The following F2 variants were observed in gnomAD, a reference collection of about 807,000 sequenced individuals.
F2 encodes the protein coagulation factor II, thrombin.
F2 carries 34 observed loss-of-function variants against 81.9 expected under a neutral mutation model. The observed-to-expected ratio is 0.42, with a 90% CI of 0.32 to 0.55. The LOEUF (loss-of-function observed/expected upper bound fraction) is 0.55, where lower values mean the gene tolerates loss of function less well. Ranked by LOEUF, F2 falls within the 20% of genes least tolerant of loss-of-function variation. The pLI is 0.18. For missense variants in F2, 630 were observed against 833.4 expected (o/e 0.76, Z 3.00); for synonymous variants, 296 against 326.4 (o/e 0.91, Z 1.01).
At chr11:46,730,396 A>C (rs1225985256) in intron 12 of F2, among the ~76,000 whole-genome samples, 1 of 151,988 alleles carries the variant, frequency 6.6e-6, no homozygotes, top group African/African-American at 2.4e-5. Flanking sequence ...GAGGGGAAGG[A>C]AGGAGTGAGC....
At chr11:46,736,615 A>G (rs1337638769) in intron 12 of F2, among the ~76,000 whole-genome samples, 1 of 152,128 alleles carries the variant, frequency 6.6e-6, no homozygotes, top group African/African-American at 2.4e-5. Flanking sequence ...CTAGATTTCT[A>G]TGGATAGAGT....
At chr11:46,734,663 T>C (rs2064933359) in intron 12 of F2, among the ~76,000 whole-genome samples, 1 of 152,018 alleles carries the variant, frequency 6.6e-6, no homozygotes, top group Non-Finnish European at 1.5e-5. Context: ...ATACAAAAAT[T>C]AGCTGGGCGT....
At position 46,726,872 on chromosome 11, in the gene F2, T is replaced by C. The variant is rs753819089; in HGVS notation, c.1130+35T>C. The C allele has an allele frequency of 3.1e-6, 5 of 1,611,378 alleles. No homozygotes were observed. Among genetic ancestry groups the C allele is most frequent in the Non-Finnish European group, 4.2e-6 (5 of 1,177,886 alleles). ...GGAGCCCTGCGCTACCATTCACTCC[T>C]GGGGGCAGGTGTGCTGCTGGACCCC... On this transcript the variant is annotated intron_variant, in intron 9 of 13. Coordinates refer to ENST00000311907, the MANE Select transcript of F2 (RefSeq NM_000506.5). This position sits in a 1 kb window ranked among gnomAD's most constrained non-coding sequence, Gnocchi z 5.9.
chr11:46,739,465 G>A lies in F2; in HGVS notation c.*57G>A, dbSNP rs2064965098. On this transcript the variant is annotated 3_prime_UTR_variant, in exon 14 of 14. Coordinates refer to ENST00000311907, the MANE Select transcript of F2 (RefSeq NM_000506.5). ...AATCCCGTGAAAGAATTATTTTTGTGTTTCTAAAACTATGGTTCCCAATAA... is the reference window on the plus strand; with the variant it reads ...AATCCCGTGAAAGAATTATTTTTGTATTTCTAAAACTATGGTTCCCAATAA... 6 of 1,609,014 alleles carry A rather than the reference G, an allele frequency of 3.7e-6. No homozygotes were observed. Among genetic ancestry groups the A allele is most frequent in the Non-Finnish European group, 4.2e-6 (5 of 1,177,740 alleles).
chr11:46,733,950 G>T (rs1398013232), intron 12 of F2, among the ~76,000 whole-genome samples: 1 of 151,340 alleles, frequency 6.6e-6, no homozygotes. Flanking sequence ...CACCATGCCC[G>T]CTAATTTTTG....
chr11:46,720,435 A>C, intron 2 of F2, 88 bp from the exon 3 acceptor site: 2 of 1,489,628 alleles, frequency 1.3e-6, no homozygotes, highest in Non-Finnish European at 1.9e-6. Context: ...ACCAGGGTAA[A>C]GGAAAGTGTG....
In F2 at chr11:46,723,460, C is replaced by G. The variant is rs369468882; in HGVS notation, c.501C>G (p.Pro167=). The change falls in exon 6 of 14, where the codon CCC becomes CCG. Residue 167 remains proline, a synonymous_variant. Coordinates refer to ENST00000311907, the MANE Select transcript of F2 (RefSeq NM_000506.5). The surrounding 1 kb of genome is among the most constrained non-coding windows in gnomAD (Gnocchi z 5.6). ...CRNPDSSTTG[P]WCYTTDPTVR... is the part of the protein sequence containing the mutation. ...ACCCCGACAGCAGCACCACGGGACC[C>G]TGGTGCTACACTACAGACCCCACCG... is the stretch of plus-strand genomic sequence containing the variant. 6.2e-7 allele frequency: 1 copy of G among 1,614,010 alleles called. No individual in the cohort carries two copies. Among genetic ancestry groups the G allele is most frequent in the African/African-American group, 1.3e-5 (1 of 74,936 alleles).
Position 46,728,973 on chromosome 11 carries a change from C to A in F2, c.1472+136C>A. ...TTGGAGTGAACCCAAAAGTTCTTTTCAGTACTGGCGTTTTATTTTTTATTT... is the reference window on the plus strand; with the variant it reads ...TTGGAGTGAACCCAAAAGTTCTTTTAAGTACTGGCGTTTTATTTTTTATTT... On this transcript the variant is annotated intron_variant, in intron 11 of 13. Transcript: ENST00000311907. The surrounding 1 kb of genome is among the most constrained non-coding windows in gnomAD (Gnocchi z 5.1). 1 of 779,112 alleles carries A rather than the reference C, an allele frequency of 1.3e-6. No individual in the cohort carries two copies. Among genetic ancestry groups the A allele is most frequent in the Non-Finnish European group, 2.1e-6 (1 of 480,500 alleles). The allele number at this position is 779,112 out of a possible 1,614,324, so 48.3% of individuals were successfully genotyped here.
At chr11:46,737,023 A>G (rs1355703179) in intron 12 of F2, among the ~76,000 whole-genome samples, 3 of 151,982 alleles carry the variant, frequency 2.0e-5, no homozygotes, top group African/African-American at 7.2e-5. Context: ...AATTTTTTCT[A>G]TTGGTATCTT....
At position 46,719,241 on chromosome 11, in the gene F2, G is replaced by A. The variant is rs748368751; in HGVS notation, c.6G>A (p.Ala2=). ...GACCCAGGAGCTGACACACTATGGC[G>A]CACGTCCGAGGCTTGCAGCTGCCTG... is the stretch of plus-strand genomic sequence containing the variant. The part of the protein sequence containing the change: M[A]HVRGLQLPGC... Residue 2 remains alanine (A), a synonymous_variant, in exon 1 of 14, where the codon GCG becomes GCA. Coordinates refer to ENST00000311907, the MANE Select transcript of F2 (RefSeq NM_000506.5). The surrounding 1 kb of genome is among the most constrained non-coding windows in gnomAD (Gnocchi z 4.7). 3.7e-6 allele frequency: 6 copies of A among 1,613,680 alleles called. No homozygotes were observed. In the African/African-American group the frequency reaches 5.3e-5, roughly 14 times the overall value.
rs1555158012 is a variant in F2, at chr11:46,731,573, G to GGA, written c.1654+2012_1654+2013insGA. Among the ~76,000 whole-genome samples the GGA allele has an allele frequency of 4.0e-3, 528 of 131,654 alleles. 3 individuals carry two copies. Among genetic ancestry groups the GGA allele is most frequent in the African/African-American group, 0.013 (500 of 37,788 alleles). 86.4% of individuals were successfully genotyped at this position (131,654 alleles called of 152,430 possible). Reference sequence around the variant, plus strand: ...TAGTCTTGCTAATGTCTTTTATAGGGAAAAAAAAAAAAAAAAGCGTGTTTC... The same window carrying GGA: ...TAGTCTTGCTAATGTCTTTTATAGGGGAAAAAAAAAAAAAAAAAGCGTGTTTC... On this transcript the variant is annotated intron_variant, in intron 12 of 13. Transcript: ENST00000311907.
chr11:46,738,933 G>C, intron 12 of F2, 115 bp from the exon 13 acceptor site: 1 of 1,028,496 alleles, frequency 9.7e-7, no homozygotes, highest in South Asian at 1.3e-5. Context: ...TGAGGAAGTG[G>C]GGACAGCAAG....
Position 46,726,623 on chromosome 11 carries a change from G to A in F2, c.1000G>A (p.Ala334Thr). The A allele has an allele frequency of 1.9e-6, 3 of 1,613,702 alleles. No individual in the cohort carries two copies. Among genetic ancestry groups the A allele is most frequent in the Non-Finnish European group, 2.5e-6 (3 of 1,179,548 alleles). The change falls in exon 8 of 14, where the codon GCA (alanine) becomes ACA (threonine). Residue 334 changes from alanine (A) to threonine (T), a missense_variant. Ala to Thr is a moderately conservative substitution (Grantham distance 58, BLOSUM62 0). Transcript: ENST00000311907. This position sits in a 1 kb window ranked among gnomAD's most constrained non-coding sequence, Gnocchi z 5.9. Reference protein sequence around the residue: ...FNPRTFGSGEADCGLRPLFEK... With the variant: ...FNPRTFGSGETDCGLRPLFEK... The stretch of plus-strand genomic sequence containing the variant: ...TCCGAGGACCTTTGGCTCGGGAGAG[G>A]CAGGTGAGGTAGTGGGCATCCGAGG...
intron 12 of F2, 37 bp from the exon 13 acceptor site, chr11:46,739,011 C>T (rs1200562985): frequency 1.2e-6 from 2 of 1,610,058 alleles, no homozygotes; most frequent in Non-Finnish European, 1.7e-6. Context: ...GGGCTATGAG[C>T]TATGCTCCTG....
rs1170642484 is a variant in F2, at chr11:46,719,893, G to A, written c.240+31G>A. The A allele has an allele frequency of 1.9e-6, 3 of 1,548,734 alleles. No homozygotes were observed. The highest frequency in any genetic ancestry group is 2.4e-5 in the East Asian group (1 of 41,278). On this transcript the variant is annotated intron_variant, in intron 2 of 13. Coordinates refer to ENST00000311907, the MANE Select transcript of F2 (RefSeq NM_000506.5). This position sits in a 1 kb window ranked among gnomAD's most constrained non-coding sequence, Gnocchi z 4.7. ...CCTGGGCTGCTCGGACGGTGCCGGGGCCTCAGACCGGGCCCAACTCTAGAC... is the reference window on the plus strand; with the variant it reads ...CCTGGGCTGCTCGGACGGTGCCGGGACCTCAGACCGGGCCCAACTCTAGAC...
At chr11:46,722,977 A>G (rs1046213813) in intron 4 of F2, 16 of 671,896 alleles carry the variant, frequency 2.4e-5, no homozygotes, top group African/African-American at 2.1e-4. Flanking sequence ...AGTGCCTGTC[A>G]TATGGTAGGC....
chr11:46,729,647 T>G, intron 12 of F2, 86 bp downstream of exon 12: 1 of 1,495,146 alleles, frequency 6.7e-7, no homozygotes, highest in Non-Finnish European at 9.1e-7. Context: ...CATGTGACTT[T>G]GAGCAAGTTG....
At chr11:46,722,777 A>G (rs965893741) in intron 4 of F2, among the ~76,000 whole-genome samples, 3 of 152,240 alleles carry the variant, frequency 2.0e-5, no homozygotes, top group Non-Finnish European at 2.9e-5. Context: ...CATTCCAGTC[A>G]GAAGAAACAA....
In F2 at chr11:46,723,159, A is replaced by C. The variant is rs952379738; in HGVS notation, c.317-21A>C. On this transcript the variant is annotated intron_variant, in intron 4 of 13. Coordinates refer to ENST00000311907, the MANE Select transcript of F2 (RefSeq NM_000506.5). This position sits in a 1 kb window ranked among gnomAD's most constrained non-coding sequence, Gnocchi z 5.6. ...AATAAGTCCCCAGGCTCCAAGGCTG[A>C]CCGGGGTGGGGTCTCCGCAGGTAAC... 1.4e-5 allele frequency: 22 copies of C among 1,609,030 alleles called. No homozygotes were observed. The highest frequency in any genetic ancestry group is 1.9e-5 in the Non-Finnish European group (22 of 1,175,798).
Sources: gnomAD v4.1 joint callset for allele counts (sites outside exome capture counted in the v4.1 genomes callset) on GRCh38, gnomAD v4.1.1 for gene constraint, Gnocchi (gnomAD v3.1) non-coding constraint, MANE v1.5 for transcripts, NCBI Gene and HGNC (gene_info 2026-07-23, HGNC 2026-07-21) for gene names.